The following IL34 variants were observed in gnomAD, a reference collection of about 807,000 sequenced individuals.
IL34 encodes interleukin-34.
IL34 carries 17 observed loss-of-function variants against 25.3 expected under a neutral mutation model. The ratio of observed to expected loss-of-function variants is 0.67; its 90% CI spans 0.46 to 1.01. IL34 has a LOEUF of 1.01. Ranked by LOEUF, IL34 falls within the 50% of genes least tolerant of loss-of-function variation. The probability of loss-of-function intolerance (pLI) is 0.00; values close to 1 mark genes in which losing one functional copy is unlikely to be tolerated. For synonymous variants in IL34, 174 were observed against 140.9 expected (o/e 1.23, Z -1.66); for missense variants, 368 against 312.9 (o/e 1.18, Z -1.33).
chr16:70,621,270 C>T (rs929224536), intron 1 of IL34, among the ~76,000 whole-genome samples: 1 of 152,116 alleles, frequency 6.6e-6, no homozygotes, highest in Non-Finnish European at 1.5e-5. Flanking sequence ...TGATTAAACA[C>T]CAAGGGAAGG....
At position 70,623,342 on chromosome 16, in the gene IL34, A is replaced by T. The variant is rs531655287; in HGVS notation, c.-400-23206A>T. Among the ~76,000 whole-genome samples, 42 of 152,144 alleles carry T rather than the reference A, an allele frequency of 2.8e-4. 1 individual carries two copies. The highest frequency in any genetic ancestry group is 9.2e-4 in the African/African-American group (38 of 41,528). ...GAGGATAGGAGAGTATATGGGTTTG[A>T]CACCATAGGGTGGATAGGCAAAACA... On this transcript the variant is annotated intron_variant, in intron 1 of 6. Coordinates refer to the IL34 transcript ENST00000429149.
At chr16:70,659,046 C>G (rs987138506) in intron 4 of IL34, among the ~76,000 whole-genome samples, 1 of 152,170 alleles carries the variant, frequency 6.6e-6, no homozygotes, top group Non-Finnish European at 1.5e-5. Context: ...GATCACCCCC[C>G]ACGTTTCCCA....
At chr16:70,609,357 G>A (rs768663764) in intron 1 of IL34, among the ~76,000 whole-genome samples, 1 of 152,186 alleles carries the variant, frequency 6.6e-6, no homozygotes, top group Non-Finnish European at 1.5e-5. Context: ...GGGATTACAG[G>A]TGTGAGCCAC....
At chr16:70,581,870 C>T (rs973581508) in intron 1 of IL34, among the ~76,000 whole-genome samples, 8 of 152,098 alleles carry the variant, frequency 5.3e-5, no homozygotes, top group African/African-American at 1.7e-4. Context: ...ATTGCTTGAG[C>T]CTGGGATTTC....
intron 1 of IL34, among the ~76,000 whole-genome samples, chr16:70,600,284 C>G (rs887402506): frequency 6.6e-6 from 1 of 152,142 alleles, no homozygotes; most frequent in East Asian, 1.9e-4. Context: ...ATCCCTTCTC[C>G]AATCACCTCT....
intron 4 of IL34, among the ~76,000 whole-genome samples, chr16:70,659,319 C>T (rs932732410): frequency 6.6e-6 from 1 of 152,218 alleles, no homozygotes; most frequent in African/African-American, 2.4e-5. Context: ...TGGTGGGTGG[C>T]CGTGCCTGGG....
At chr16:70,643,081 TGAGACGGATCTCACTC>T (rs2051824884), upstream of IL34, among the ~76,000 whole-genome samples, 1 of 152,176 alleles carries the variant, frequency 6.6e-6, no homozygotes, top group Non-Finnish European at 1.5e-5. Context: ...TATTTATTTT[TGAGACGGATCTCACTC>T]TGTCACCCAG....
chr16:70,641,283 C>CAAT (rs1555505386), intron 1 of IL34, among the ~76,000 whole-genome samples: 1 of 151,480 alleles, frequency 6.6e-6, no homozygotes, highest in Non-Finnish European at 1.5e-5. Context: ...AAAACAACAA[C>CAAT]AAGAAAATGT....
intron 1 of IL34, among the ~76,000 whole-genome samples, chr16:70,635,347 C>G (rs1400511039): frequency 6.6e-6 from 1 of 152,238 alleles, no homozygotes; most frequent in African/African-American, 2.4e-5. Context: ...TAAACACCCT[C>G]CAGCTGCTGC....
intron 1 of IL34, among the ~76,000 whole-genome samples, chr16:70,581,933 A>G (rs953780419): frequency 3.7e-5 from 5 of 136,482 alleles, no homozygotes; most frequent in African/African-American, 1.3e-4. Context: ...AACAAAAAAC[A>G]AAAACAAAAA....
At chr16:70,614,965 G>C (rs2051150785) in intron 1 of IL34, among the ~76,000 whole-genome samples, 1 of 152,126 alleles carries the variant, frequency 6.6e-6, no homozygotes, top group Non-Finnish European at 1.5e-5. Context: ...ATGTAAAATA[G>C]AACTATAGCA....
intron 1 of IL34, among the ~76,000 whole-genome samples, chr16:70,631,588 C>A (rs965474868): frequency 1.3e-5 from 2 of 152,090 alleles, no homozygotes; most frequent in African/African-American, 2.4e-5. Context: ...AGTCTCTGGG[C>A]TGTTATAAAA....
At chr16:70,585,000 C>T (rs1283141703) in intron 1 of IL34, among the ~76,000 whole-genome samples, 1 of 152,122 alleles carries the variant, frequency 6.6e-6, no homozygotes, top group Non-Finnish European at 1.5e-5. Flanking sequence ...TGTGCCCGGC[C>T]ATCTTAATTA....
chr16:70,620,899 G>A (rs954689014), intron 1 of IL34, among the ~76,000 whole-genome samples: 2 of 152,070 alleles, frequency 1.3e-5, no homozygotes, highest in African/African-American at 4.8e-5. Flanking sequence ...GAAGAAGGAG[G>A]AATGGAATGT....
At chr16:70,596,715 G>A (rs909407598) in intron 1 of IL34, among the ~76,000 whole-genome samples, 1 of 152,146 alleles carries the variant, frequency 6.6e-6, no homozygotes. Flanking sequence ...TATAGTAATG[G>A]TAGCTTACCA....
intron 1 of IL34, among the ~76,000 whole-genome samples, chr16:70,587,156 G>A (rs1053560873): frequency 6.6e-6 from 1 of 152,148 alleles, no homozygotes; most frequent in African/African-American, 2.4e-5. Flanking sequence ...CCAGGCCCTG[G>A]GTGGAGATCA....
At chr16:70,633,710 G>A (rs1047540358) in intron 1 of IL34, among the ~76,000 whole-genome samples, 28 of 152,120 alleles carry the variant, frequency 1.8e-4, no homozygotes, top group African/African-American at 6.5e-4. Context: ...CAAGGTGTTG[G>A]CAAGCCCATG....
intron 1 of IL34, among the ~76,000 whole-genome samples, chr16:70,640,378 C>G (rs369502098): frequency 5.3e-5 from 8 of 152,140 alleles, no homozygotes; most frequent in African/African-American, 1.9e-4. Flanking sequence ...AATCACAGCA[C>G]TTTGGGAGGC....
intron 1 of IL34, among the ~76,000 whole-genome samples, chr16:70,601,413 C>G (rs1238036521): frequency 6.6e-6 from 1 of 151,962 alleles, no homozygotes; most frequent in African/African-American, 2.4e-5. Flanking sequence ...AGCCTGATTC[C>G]TTCTTTTTCT....
Sources: gnomAD v4.1 joint callset for allele counts (sites outside exome capture counted in the v4.1 genomes callset) on GRCh38, gnomAD v4.1.1 for gene constraint, MANE v1.5 for transcripts, NCBI Gene and HGNC (gene_info 2026-07-23, HGNC 2026-07-21) for gene names.